Variants in SMO observed in about 807,000 individuals in gnomAD.
SMO encodes the protein protein smoothened.
Under a neutral mutation model 81.6 loss-of-function variants are expected in SMO, and 40 were observed. The ratio of observed to expected loss-of-function variants is 0.49; its 90% CI spans 0.38 to 0.64. The LOEUF (loss-of-function observed/expected upper bound fraction) is 0.64, where lower values mean the gene tolerates loss of function less well. Ranked by LOEUF, SMO falls within the 30% of genes least tolerant of loss-of-function variation. The pLI is 0.00. For missense variants in SMO, 916 were observed against 1,061.1 expected, an observed-to-expected ratio of 0.86 and a Z score of 1.90; for synonymous variants, 434 against 432.1, an observed-to-expected ratio of 1.00 and a Z score of -0.05.
In SMO at chr7:129,189,588, A is replaced by G. The variant is rs1793453854; in HGVS notation, c.331+106A>G. The stretch of plus-strand genomic sequence containing the variant: ...CCTGAGTTTTGGAGAGGGCGGGGAC[A>G]GCACCCGGGAGAGTTGGAGGGACAG... On this transcript the variant is annotated intron_variant, in intron 1 of 11. Transcript: ENST00000249373. The surrounding 1 kb of genome is among the most constrained non-coding windows in gnomAD (Gnocchi z 4.7). The G allele has an allele frequency of 1.1e-5, 13 of 1,238,068 alleles. No individual in the cohort carries two copies. Among genetic ancestry groups the G allele is most frequent in the African/African-American group, 1.5e-5 (1 of 65,506 alleles). The allele number at this position is 1,238,068 out of a possible 1,614,324, so 76.7% of individuals were successfully genotyped here.
rs368986911 is a variant in SMO, at chr7:129,212,001, C to T, written c.1937-23C>T. The T allele has an allele frequency of 1.5e-5, 24 of 1,560,932 alleles. No individual in the cohort carries two copies. The highest frequency in any genetic ancestry group is 2.7e-5 in the African/African-American group (2 of 73,948). On this transcript the variant is annotated intron_variant, in intron 11 of 11. Transcript: ENST00000249373. The surrounding 1 kb of genome is among the most constrained non-coding windows in gnomAD (Gnocchi z 5.0). The stretch of plus-strand genomic sequence containing the variant: ...ATGGACAGAGCCAGGGCCCCAGGCT[C>T]GTGTTGTCTCTCCTCCTGTCAGTGC...
intron 1 of SMO, among the ~76,000 whole-genome samples, chr7:129,191,996 G>T (rs1046487939): frequency 3.3e-5 from 5 of 151,872 alleles, no homozygotes; most frequent in African/African-American, 1.2e-4. Flanking sequence ...GAGGCGGGAA[G>T]ATTGCTCAAT....
chr7:129,195,086 AC>A (rs1411433072), intron 1 of SMO, among the ~76,000 whole-genome samples: 2 of 152,146 alleles, frequency 1.3e-5, no homozygotes, highest in Admixed American at 1.3e-4. Flanking sequence ...ATATGAGTAT[AC>A]CCCCAGTTGT....
intron 1 of SMO, among the ~76,000 whole-genome samples, chr7:129,198,241 C>T (rs1326031022): frequency 1.3e-5 from 2 of 152,204 alleles, no homozygotes; most frequent in African/African-American, 4.8e-5. Flanking sequence ...GCGTGAGCCA[C>T]CATGTCCAGC....
chr7:129,205,516 G>C, intron 3 of SMO, 94 bp from the exon 4 acceptor site: 1 of 1,519,766 alleles, frequency 6.6e-7, no homozygotes, highest in Non-Finnish European at 9.1e-7. Flanking sequence ...CCCCAGGGAA[G>C]GGTCATGATC....
chr7:129,198,799 G>A (rs971602461), intron 1 of SMO, among the ~76,000 whole-genome samples: 4 of 152,216 alleles, frequency 2.6e-5, no homozygotes, highest in Admixed American at 2.6e-4. Flanking sequence ...CCAGGTTTGT[G>A]TAAGTACACT....
chr7:129,206,751 G>A lies in SMO; in HGVS notation c.1264+164G>A, dbSNP rs940363152. Among the ~76,000 whole-genome samples the A allele has an allele frequency of 3.3e-5, 5 of 152,160 alleles. No homozygotes were observed. Among genetic ancestry groups the A allele is most frequent in the African/African-American group, 7.2e-5 (3 of 41,436 alleles). ...TGACCCTCTAGGCAGACGAAACACC[G>A]TGAGCACTTGCTGCGGGACAGCACC... On this transcript the variant is annotated intron_variant, in intron 6 of 11. Transcript: ENST00000249373. The surrounding 1 kb of genome is among the most constrained non-coding windows in gnomAD (Gnocchi z 4.4).
Position 129,203,518 on chromosome 7 carries a change from A to C in SMO, c.466A>C (p.Ile156Leu), listed in dbSNP as rs749414966. Residue 156 changes from isoleucine to leucine, a missense_variant, in exon 2 of 12, where the codon ATC becomes CTC. This residue lies in a region of SMO where 436 missense variants were observed against 570.9 expected (regional missense o/e 0.76). Transcript: ENST00000249373. The part of the protein sequence containing the change: ...LCQATRGPCA[I>L]VERERGWPDF... Reference sequence around the variant, plus strand: ...CCAGGCCACCCGAGGCCCCTGTGCCATCGTGGAGAGGGAGCGGGGCTGGCC... The same window carrying C: ...CCAGGCCACCCGAGGCCCCTGTGCCCTCGTGGAGAGGGAGCGGGGCTGGCC... The C allele has an allele frequency of 6.2e-7, 1 of 1,608,136 alleles. No individual in the cohort carries two copies.
At chr7:129,196,932 G>A (rs146009111) in intron 1 of SMO, among the ~76,000 whole-genome samples, 6,448 of 150,732 alleles carry the variant, frequency 0.043, 151 homozygotes, top group African/African-American at 0.048. Flanking sequence ...CAGGAGAATG[G>A]CGTGAACCTG....
rs1184206375 is a variant in SMO, at chr7:129,208,844, G to C, written c.1350G>C (p.Leu450=). The C allele has an allele frequency of 5.0e-6, 8 of 1,612,764 alleles. No individual in the cohort carries two copies. The highest frequency in any genetic ancestry group is 6.8e-6 in the Non-Finnish European group (8 of 1,179,032). The change falls in exon 7 of 12, where the codon CTG becomes CTC. Residue 450 remains leucine (L), a synonymous_variant. Coordinates refer to ENST00000249373, the MANE Select transcript of SMO (RefSeq NM_005631.5). The surrounding 1 kb of genome is among the most constrained non-coding windows in gnomAD (Gnocchi z 5.2). The stretch of plus-strand genomic sequence containing the variant: ...CCAGCAAGATCAACGAGACCATGCT[G>C]CGCCTGGGTGAGTGGCCCCGGGGGA... The part of the protein sequence containing the change: ...KAASKINETM[L]RLGIFGFLAF...
rs2150650892 is a variant in SMO at position 129,206,592 on chromosome 7, G to A, written c.1264+5G>A. On this transcript the variant is annotated splice_donor_5th_base_variant and intron_variant, in intron 6 of 11. Transcript: ENST00000249373. This position sits in a 1 kb window ranked among gnomAD's most constrained non-coding sequence, Gnocchi z 4.4. ...GAGGCTACTTCCTCATCCGAGGTGA[G>A]TGAAGACCAGGCCAGGACCAGTTGG... The A allele has an allele frequency of 6.2e-7, 1 of 1,614,124 alleles. No individual in the cohort carries two copies. The highest frequency in any genetic ancestry group is 8.5e-7 in the Non-Finnish European group (1 of 1,180,020).
In SMO at chr7:129,212,163, C is replaced by T. The variant is rs2150656614; in HGVS notation, c.2076C>T (p.His692=). The T allele has an allele frequency of 2.6e-6, 4 of 1,554,898 alleles. No homozygotes were observed. The highest frequency in any genetic ancestry group is 3.5e-6 in the Non-Finnish European group (4 of 1,149,098). ...VCPLAPPPEL[H]PPAPAPSTIP... Reference sequence around the variant, plus strand: ...CGCTGGCGCCGCCCCCTGAGCTTCACCCCCCTGCCCCTGCCCCCAGTACCA... The same window carrying T: ...CGCTGGCGCCGCCCCCTGAGCTTCATCCCCCTGCCCCTGCCCCCAGTACCA... Residue 692 remains histidine, a synonymous_variant, in exon 12 of 12, where the codon CAC becomes CAT. Coordinates refer to ENST00000249373, the MANE Select transcript of SMO (RefSeq NM_005631.5). The surrounding 1 kb of genome is among the most constrained non-coding windows in gnomAD (Gnocchi z 5.0).
chr7:129,212,012 T>TCCTC lies in SMO; in HGVS notation c.1937-10_1937-7dup, dbSNP rs1412725447. 5.1e-6 allele frequency: 8 copies of TCCTC among 1,572,908 alleles called. No individual in the cohort carries two copies. Among genetic ancestry groups the TCCTC allele is most frequent in the Non-Finnish European group, 6.9e-6 (8 of 1,166,478 alleles). Reference sequence around the variant, plus strand: ...CAGGGCCCCAGGCTCGTGTTGTCTCTCCTCCTGTCAGTGCCCCCAGAGGAA... The same window carrying TCCTC: ...CAGGGCCCCAGGCTCGTGTTGTCTCTCCTCCCTCCTGTCAGTGCCCCCAGAGGAA... On this transcript the variant is annotated splice_polypyrimidine_tract_variant and intron_variant, in intron 11 of 11. Coordinates refer to ENST00000249373, the MANE Select transcript of SMO (RefSeq NM_005631.5). This position sits in a 1 kb window ranked among gnomAD's most constrained non-coding sequence, Gnocchi z 5.0.
At position 129,213,463 on chromosome 7, in the gene SMO, C is replaced by G; in HGVS notation, c.*1012C>G. On this transcript the variant is annotated 3_prime_UTR_variant, in exon 12 of 12. Transcript: ENST00000249373. ...TTCCCAAGGCCCCACTTTCAAGAAT[C>G]AGACAGCAGGAAGCCATAGATGCTG... is the stretch of plus-strand genomic sequence containing the variant. The G allele has an allele frequency of 4.3e-6, 1 of 232,888 alleles. No individual in the cohort carries two copies. The highest frequency in any genetic ancestry group is 8.5e-6 in the Non-Finnish European group (1 of 117,636). The allele number at this position is 232,888 out of a possible 1,614,324, so 14.4% of individuals were successfully genotyped here. A position where few individuals can be genotyped will look rare whatever the true frequency, so the allele number is the denominator to read the frequency against.
chr7:129,209,571 C>G (rs959366256), intron 8 of SMO, among the ~76,000 whole-genome samples, 174 bp downstream of exon 8: 3 of 152,196 alleles, frequency 2.0e-5, no homozygotes, highest in Non-Finnish European at 4.4e-5. Context: ...TCAAACGTGG[C>G]AAACAACCTT....
rs2150638518 is a variant in SMO, at chr7:129,189,467, C to G, written c.316C>G (p.Leu106Val). 6.5e-7 allele frequency: 1 copy of G among 1,537,574 alleles called. No individual in the cohort carries two copies. Among genetic ancestry groups the G allele is most frequent in the Non-Finnish European group, 8.7e-7 (1 of 1,146,790 alleles). ...SDSQEEAHGK[L>V]VLWSGLRNAP... ...CTCCCAGGAGGAAGCGCACGGCAAG[C>G]TCGTGCTCTGGTCGGGTAAGTGCGG... is the stretch of plus-strand genomic sequence containing the variant. The change falls in exon 1 of 12, where the codon CTC becomes GTC. Residue 106 changes from leucine to valine, a missense_variant. Physicochemically the swap from Leu to Val is conservative, Grantham distance 32. Coordinates refer to ENST00000249373, the MANE Select transcript of SMO (RefSeq NM_005631.5). The surrounding 1 kb of genome is among the most constrained non-coding windows in gnomAD (Gnocchi z 4.7).
chr7:129,190,609 T>G (rs1481382216), intron 1 of SMO, among the ~76,000 whole-genome samples: 3 of 152,236 alleles, frequency 2.0e-5, no homozygotes, highest in African/African-American at 7.2e-5. Context: ...CGCCTGTCAT[T>G]GACAAGTTCT....
rs1270564271 is a variant in SMO, at chr7:129,208,921, C to T, written c.1357+70C>T. The stretch of plus-strand genomic sequence containing the variant: ...AACACTGCACCCTCCTGGGGCTATG[C>T]GACCGGCAGGATGCAGTAAGTCAGT... On this transcript the variant is annotated intron_variant, in intron 7 of 11. Coordinates refer to ENST00000249373, the MANE Select transcript of SMO (RefSeq NM_005631.5). The surrounding 1 kb of genome is among the most constrained non-coding windows in gnomAD (Gnocchi z 5.2). 1.9e-5 allele frequency: 20 copies of T among 1,062,830 alleles called. No homozygotes were observed. Among genetic ancestry groups the T allele is most frequent in the East Asian group, 4.9e-5 (2 of 40,624 alleles). 65.8% of individuals were successfully genotyped at this position (1,062,830 alleles called of 1,614,324 possible).
At position 129,212,342 on chromosome 7, in the gene SMO, C is replaced by A; in HGVS notation, c.2255C>A (p.Ala752Glu). 6.2e-7 allele frequency: 1 copy of A among 1,614,172 alleles called. No individual in the cohort carries two copies. The change falls in exon 12 of 12, where the codon GCA becomes GAA. Residue 752 changes from alanine to glutamate, a missense_variant. Physicochemically the swap from Ala to Glu is moderately radical, Grantham distance 107 (BLOSUM62 -1). Transcript: ENST00000249373. This position sits in a 1 kb window ranked among gnomAD's most constrained non-coding sequence, Gnocchi z 5.0. Reference sequence around the variant, plus strand: ...CCTCAGGATCCATTTCTGCCCAGTGCACCGGCCCCCGTGGCATGGGCTCAT... The same window carrying A: ...CCTCAGGATCCATTTCTGCCCAGTGAACCGGCCCCCGTGGCATGGGCTCAT... ...SPPQDPFLPS[A>E]PAPVAWAHGR...
Sources: gnomAD v4.1 joint callset for allele counts (sites outside exome capture counted in the v4.1 genomes callset) on GRCh38, gnomAD v4.1.1 for gene constraint, gnomAD v4.1.1 regional missense constraint, Gnocchi (gnomAD v3.1) non-coding constraint, MANE v1.5 for transcripts, NCBI Gene and HGNC (gene_info 2026-07-23, HGNC 2026-07-21) for gene names.